ADGRL3: variants seen among roughly 807,000 people sequenced by gnomAD.
ADGRL3 encodes the protein adhesion G protein-coupled receptor L3.
Under a neutral mutation model 153.5 loss-of-function variants are expected in ADGRL3, and 62 were observed. That is an observed-to-expected ratio of 0.40 (90% confidence interval 0.33 to 0.50). ADGRL3 has a LOEUF of 0.50. Among genes scored for constraint, ADGRL3 ranks in the 20% least tolerant of loss-of-function variants. ADGRL3 has a pLI of 0.47. For synonymous variants in ADGRL3, 710 were observed against 672.5 expected, an observed-to-expected ratio of 1.06 and a Z score of -0.86; for missense variants, 1,641 against 1,859.4, an observed-to-expected ratio of 0.88 and a Z score of 2.16.
chr4:61,840,794 T>G (rs2098018630), intron 9 of ADGRL3, among the ~76,000 whole-genome samples: 1 of 152,210 alleles, frequency 6.6e-6, no homozygotes, highest in Non-Finnish European at 1.5e-5. Context: ...TTGAAATAAT[T>G]AATGCTGCTT....
intron 1 of ADGRL3, among the ~76,000 whole-genome samples, chr4:61,365,332 TCTA>T (rs1697208902): frequency 6.6e-6 from 1 of 152,228 alleles, no homozygotes; most frequent in Non-Finnish European, 1.5e-5. Context: ...TTTCTTTTGC[TCTA>T]CTGAGACTGC....
At chr4:61,287,408 A>G (rs931154968) in intron 1 of ADGRL3, among the ~76,000 whole-genome samples, 1 of 151,978 alleles carries the variant, frequency 6.6e-6, no homozygotes, top group Non-Finnish European at 1.5e-5. Flanking sequence ...TGGTGAGGAT[A>G]ACTTTAATAT....
At chr4:61,897,388 C>T (rs1381867364) in intron 11 of ADGRL3, among the ~76,000 whole-genome samples, 1 of 152,122 alleles carries the variant, frequency 6.6e-6, no homozygotes, top group African/African-American at 2.4e-5. Context: ...GCTTATGTAA[C>T]TTGTCCAAGG....
chr4:61,790,679 T>C (rs2097331481), intron 8 of ADGRL3, among the ~76,000 whole-genome samples: 2 of 152,140 alleles, frequency 1.3e-5, no homozygotes, highest in South Asian at 2.1e-4. Flanking sequence ...GAACTATTAG[T>C]TTAGGTTCTG....
intron 13 of ADGRL3, among the ~76,000 whole-genome samples, chr4:61,918,788 T>C (rs1182784080): frequency 6.6e-6 from 1 of 152,202 alleles, no homozygotes; most frequent in South Asian, 2.1e-4. Context: ...TCTACATTAT[T>C]ACATGCAATA....
At chr4:61,581,392 C>T (rs890331286) in intron 4 of ADGRL3, among the ~76,000 whole-genome samples, 1 of 151,954 alleles carries the variant, frequency 6.6e-6, no homozygotes, top group African/African-American at 2.4e-5. Context: ...GTGTTTTTCA[C>T]TATTATAATC....
chr4:61,507,063 A>G (rs1396334982), intron 3 of ADGRL3, among the ~76,000 whole-genome samples: 1 of 152,206 alleles, frequency 6.6e-6, no homozygotes, highest in Admixed American at 6.5e-5. Context: ...TTAGATCAGA[A>G]CTAATCTTTA....
chr4:61,492,488 T>G (rs2098269175), intron 2 of ADGRL3, among the ~76,000 whole-genome samples: 1 of 152,142 alleles, frequency 6.6e-6, no homozygotes, highest in Non-Finnish European at 1.5e-5. Flanking sequence ...GACTCTAATG[T>G]TAACCTCTGT....
At chr4:61,835,142 G>A (rs1453181283) in intron 9 of ADGRL3, among the ~76,000 whole-genome samples, 1 of 151,974 alleles carries the variant, frequency 6.6e-6, no homozygotes, top group East Asian at 1.9e-4. Context: ...ATAACTCGAA[G>A]CAAAACAGAA....
intron 8 of ADGRL3, among the ~76,000 whole-genome samples, chr4:61,793,045 G>A (rs1173133487): frequency 6.6e-6 from 1 of 151,986 alleles, no homozygotes; most frequent in Non-Finnish European, 1.5e-5. Context: ...CACAATCATG[G>A]CAGAAGGCAA....
At chr4:61,757,277 A>G (rs910292547) in intron 8 of ADGRL3, among the ~76,000 whole-genome samples, 3 of 152,038 alleles carry the variant, frequency 2.0e-5, no homozygotes, top group African/African-American at 7.2e-5. Flanking sequence ...GTAAGCTATT[A>G]ATTATTGCCT....
intron 1 of ADGRL3, among the ~76,000 whole-genome samples, chr4:61,287,589 C>T (rs2093988915): frequency 6.6e-6 from 1 of 151,876 alleles, no homozygotes; most frequent in South Asian, 2.1e-4. Flanking sequence ...AGCTTTCGGT[C>T]TGACAATCAA....
intron 2 of ADGRL3, among the ~76,000 whole-genome samples, chr4:61,475,183 G>A (rs1001305944): frequency 6.6e-6 from 1 of 152,088 alleles, no homozygotes; most frequent in Non-Finnish European, 1.5e-5. Context: ...CTCTGTAGTA[G>A]CCTTTATTGC....
At chr4:61,966,573 GGT>G (rs5858746) in intron 17 of ADGRL3, among the ~76,000 whole-genome samples, 6,822 of 145,550 alleles carry the variant, frequency 0.047, 466 homozygotes, top group African/African-American at 0.15. Context: ...TTTCAAAAGG[GGT>G]GTGTGTGTGT....
At chr4:61,863,351 C>T (rs945154734) in intron 9 of ADGRL3, among the ~76,000 whole-genome samples, 43 of 148,128 alleles carry the variant, frequency 2.9e-4, no homozygotes, top group Non-Finnish European at 4.9e-4. Context: ...CATTCTCCTG[C>T]CTCAGCCTCC....
At chr4:61,454,751 T>C (rs1025214769) in intron 2 of ADGRL3, among the ~76,000 whole-genome samples, 1 of 152,170 alleles carries the variant, frequency 6.6e-6, no homozygotes, top group African/African-American at 2.4e-5. Flanking sequence ...AAGACTCATA[T>C]AAGAATACTG....
chr4:61,916,811 G>A (rs1318202662), intron 13 of ADGRL3, among the ~76,000 whole-genome samples: 1 of 151,946 alleles, frequency 6.6e-6, no homozygotes, highest in Non-Finnish European at 1.5e-5. Flanking sequence ...AAATTAGCTG[G>A]GCATGGTGGT....
intron 5 of ADGRL3, among the ~76,000 whole-genome samples, chr4:61,657,996 C>A (rs1236202014): frequency 6.6e-6 from 1 of 152,126 alleles, no homozygotes; most frequent in Non-Finnish European, 1.5e-5. Flanking sequence ...CAATTCAGTG[C>A]TCTTACTGTA....
At chr4:61,900,104 T>C (rs2098655866) in intron 11 of ADGRL3, among the ~76,000 whole-genome samples, 1 of 152,150 alleles carries the variant, frequency 6.6e-6, no homozygotes, top group African/African-American at 2.4e-5. Context: ...GGTGGACATA[T>C]CATTAACCTC....
Sources: allele counts gnomAD v4.1 joint callset (sites outside exome capture counted in the v4.1 genomes callset), GRCh38; gene constraint gnomAD v4.1.1; transcripts MANE v1.5; gene names NCBI Gene and HGNC (gene_info 2026-07-23, HGNC 2026-07-21).